The following RNF212B variants were observed in gnomAD, a reference collection of about 807,000 sequenced individuals.
RNF212B encodes ring finger protein 212B.
Under a neutral mutation model 55.5 loss-of-function variants are expected in RNF212B, and 52 were observed. The observed-to-expected ratio is 0.94, with a 90% CI of 0.75 to 1.18. The LOEUF is 1.18. Among genes scored for constraint, RNF212B ranks in the 50% most tolerant of loss-of-function variants. RNF212B has a pLI of 0.00. For synonymous variants in RNF212B, 99 were observed against 121.4 expected, an observed-to-expected ratio of 0.82 and a Z score of 1.21; for missense variants, 289 against 350.4, an observed-to-expected ratio of 0.82 and a Z score of 1.40.
At chr14:23,238,631 C>T (rs1883306551) in intron 1 of RNF212B, among the ~76,000 whole-genome samples, 1 of 151,418 alleles carries the variant, frequency 6.6e-6, no homozygotes, top group Admixed American at 6.6e-5. Flanking sequence ...CCAGCTACTC[C>T]AGAGGCTGAG....
At chr14:23,190,464 C>A (rs1878017376) in intron 1 of RNF212B, among the ~76,000 whole-genome samples, 1 of 152,148 alleles carries the variant, frequency 6.6e-6, no homozygotes, top group African/African-American at 2.4e-5. Context: ...TTGGAGTCAA[C>A]CTTGACTTAT....
chr14:23,250,185 A>G lies in RNF212B; in HGVS notation c.228+5789A>G, dbSNP rs114645978. Among the ~76,000 whole-genome samples, 984 of 152,326 alleles carry G rather than the reference A, an allele frequency of 6.5e-3. 12 individuals are homozygous for G. The highest frequency in any genetic ancestry group is 0.022 in the African/African-American group (928 of 41,574). ...CTGAAATGCCTGATTTCTACACTTTAAAAACTAAGTTAGGCCAGCCGTGGT... is the reference window on the plus strand; with the variant it reads ...CTGAAATGCCTGATTTCTACACTTTGAAAACTAAGTTAGGCCAGCCGTGGT... On this transcript the variant is annotated intron_variant, in intron 4 of 14. Transcript: ENST00000430154.
intron 2 of RNF212B, among the ~76,000 whole-genome samples, chr14:23,202,391 T>C (rs1879385741): frequency 6.6e-6 from 1 of 152,220 alleles, no homozygotes; most frequent in South Asian, 2.1e-4. Flanking sequence ...CTTATTTATC[T>C]TTCCAAATCG....
intron 1 of RNF212B, among the ~76,000 whole-genome samples, chr14:23,187,297 A>G (rs1283242307): frequency 6.6e-6 from 1 of 152,188 alleles, no homozygotes; most frequent in Non-Finnish European, 1.5e-5. Context: ...TGCTTGTGAT[A>G]GTTAAAACAC....
intron 2 of RNF212B, among the ~76,000 whole-genome samples, chr14:23,232,733 A>G (rs1304585222): frequency 3.6e-5 from 3 of 82,470 alleles, no homozygotes; most frequent in South Asian, 5.3e-4. Context: ...TCCGGGAGGG[A>G]GGTGGGGGGG....
intron 2 of RNF212B, among the ~76,000 whole-genome samples, chr14:23,240,649 CA>C (rs1247477175): frequency 1.3e-5 from 2 of 152,092 alleles, no homozygotes; most frequent in African/African-American, 4.8e-5. Context: ...AATGATTTAG[CA>C]AATCTATTAC....
intron 2 of RNF212B, among the ~76,000 whole-genome samples, chr14:23,201,237 T>C (rs1407456536): frequency 6.6e-6 from 1 of 152,178 alleles, no homozygotes; most frequent in East Asian, 1.9e-4. Flanking sequence ...AAATCTGCAC[T>C]CAAGAGCACC....
intron 4 of RNF212B, among the ~76,000 whole-genome samples, chr14:23,252,322 T>C (rs1028064038): frequency 1.3e-5 from 2 of 152,128 alleles, no homozygotes; most frequent in African/African-American, 2.4e-5. Context: ...GAAGACCATA[T>C]ATGTATTTCT....
chr14:23,200,017 TA>T (rs777564811), intron 2 of RNF212B, among the ~76,000 whole-genome samples: 334 of 144,334 alleles, frequency 2.3e-3, no homozygotes, highest in East Asian at 6.2e-3. Flanking sequence ...AATAAAAAAT[TA>T]AAAAAAAAAA....
intron 4 of RNF212B, among the ~76,000 whole-genome samples, chr14:23,255,750 T>TG (rs1884782136): frequency 1.3e-5 from 2 of 152,186 alleles, no homozygotes; most frequent in African/African-American, 4.8e-5. Flanking sequence ...CAAAAGTTAA[T>TG]CTTCTTTGGA....
chr14:23,197,599 A>G (rs775335081), intron 2 of RNF212B, among the ~76,000 whole-genome samples: 6 of 152,016 alleles, frequency 3.9e-5, no homozygotes, highest in Non-Finnish European at 7.4e-5. Context: ...ATTTAAAAAA[A>G]CAAATATAAT....
intron 4 of RNF212B, among the ~76,000 whole-genome samples, chr14:23,253,227 C>T (rs1476734353): frequency 6.6e-6 from 1 of 152,168 alleles, no homozygotes; most frequent in East Asian, 1.9e-4. Flanking sequence ...ATCAAATTAT[C>T]AGTCCCCATT....
chr14:23,208,756 C>G (rs1740728311), intron 2 of RNF212B, among the ~76,000 whole-genome samples: 2 of 43,004 alleles, frequency 4.7e-5, no homozygotes, highest in Non-Finnish European at 9.5e-5. Flanking sequence ...TGCTGGTTGC[C>G]GTTTTTTTTT....
chr14:23,220,548 G>T lies in RNF212B; in HGVS notation c.-1-19797G>T, dbSNP rs546761658. ...CTCTGTCTCAAAAAACAAAACAGCCGGGCTCGGTGGCTCACGCCTGTAATC... is the reference window on the plus strand; with the variant it reads ...CTCTGTCTCAAAAAACAAAACAGCCTGGCTCGGTGGCTCACGCCTGTAATC... On this transcript the variant is annotated intron_variant, in intron 2 of 15. Transcript: ENST00000399910. 2.0e-5 allele frequency among the ~76,000 whole-genome samples: 3 copies of T among 148,276 alleles called. No homozygotes were observed. The South Asian group carries it at 6.5e-4, about 32-fold the overall frequency.
intron 1 of RNF212B, among the ~76,000 whole-genome samples, chr14:23,189,220 T>C (rs1427111728): frequency 6.6e-6 from 1 of 152,190 alleles, no homozygotes; most frequent in Non-Finnish European, 1.5e-5. Context: ...TATTGTTTCA[T>C]GGAGAAAATG....
At chr14:23,229,730 T>A (rs1882389541) in intron 2 of RNF212B, among the ~76,000 whole-genome samples, 1 of 152,210 alleles carries the variant, frequency 6.6e-6, no homozygotes, top group African/African-American at 2.4e-5. Context: ...TTTAATTGGG[T>A]TGTTTGACTT....
chr14:23,212,516 A>G (rs1594883968), intron 2 of RNF212B, among the ~76,000 whole-genome samples: 1 of 152,256 alleles, frequency 6.6e-6, no homozygotes, highest in East Asian at 1.9e-4. Flanking sequence ...TTGTACTTCT[A>G]CACAATAAGC....
At chr14:23,187,381 C>T (rs1215723419) in intron 1 of RNF212B, among the ~76,000 whole-genome samples, 1 of 152,080 alleles carries the variant, frequency 6.6e-6, no homozygotes, top group African/African-American at 2.4e-5. Flanking sequence ...CAAGGTCTCA[C>T]TCTGTCACCC....
chr14:23,226,073 G>A (rs1044302059), intron 2 of RNF212B, among the ~76,000 whole-genome samples: 3 of 151,572 alleles, frequency 2.0e-5, no homozygotes, highest in African/African-American at 7.3e-5. Flanking sequence ...GCTGAGGCGG[G>A]TGGATCACGA....
Sources: allele counts gnomAD v4.1 joint callset (sites outside exome capture counted in the v4.1 genomes callset), GRCh38; gene constraint gnomAD v4.1.1; transcripts MANE v1.5; gene names NCBI Gene and HGNC (gene_info 2026-07-23, HGNC 2026-07-21).